The following TRA2B variants were observed in gnomAD, a reference collection of about 807,000 sequenced individuals.
The protein encoded by TRA2B is transformer 2 beta homolog, also known as transformer-2 protein homolog beta.
Under a neutral mutation model 41.7 loss-of-function variants are expected in TRA2B, and 14 were observed. The ratio of observed to expected loss-of-function variants is 0.34; its 90% confidence interval spans 0.22 to 0.53. The LOEUF (loss-of-function observed/expected upper bound fraction) is 0.53. Ranked by LOEUF, TRA2B falls within the 20% of genes least tolerant of loss-of-function variation. The probability of loss-of-function intolerance (pLI) is 0.95; values close to 1 mark genes in which losing one functional copy is unlikely to be tolerated. For missense variants in TRA2B, 167 were observed against 396.8 expected (o/e 0.42, Z 4.92); for synonymous variants, 130 against 128.8 (o/e 1.01, Z -0.06).
At chr3:185,929,303 C>G (rs1744064355) in intron 1 of TRA2B, among the ~76,000 whole-genome samples, 1 of 152,104 alleles carries the variant, frequency 6.6e-6, no homozygotes, top group Non-Finnish European at 1.5e-5. Flanking sequence ...GCACCCAAAT[C>G]AAAAGCATAA....
intron 8 of TRA2B, among the ~76,000 whole-genome samples, 168 bp from the exon 9 acceptor site, chr3:185,917,893 A>T (rs1276230744): frequency 6.6e-6 from 1 of 152,208 alleles, no homozygotes; most frequent in Non-Finnish European, 1.5e-5. Flanking sequence ...ACCAGAAATG[A>T]GATAGCAATC....
chr3:185,918,988 AAAAAT>A (rs1355241001), intron 7 of TRA2B, among the ~76,000 whole-genome samples: 2 of 152,224 alleles, frequency 1.3e-5, no homozygotes, highest in African/African-American at 4.8e-5. Context: ...AATTAAAAAT[AAAAAT>A]GAGAAAATTC....
chr3:185,935,012 G>T, intron 1 of TRA2B: 1 of 985,356 alleles, frequency 1.0e-6, no homozygotes, highest in Non-Finnish European at 1.2e-6. Flanking sequence ...ATATTGAGAG[G>T]CTCAGAACAT....
intron 1 of TRA2B, chr3:185,931,607 TTCTTA>T (rs1363043146): frequency 5.4e-6 from 7 of 1,289,274 alleles, no homozygotes; most frequent in African/African-American, 1.5e-5. Context: ...TCCAGATTAC[TTCTTA>T]TCTTAACTTC....
rs767343847 is a variant in TRA2B, at chr3:185,914,677, G to A, written c.*3038C>T. Among the ~76,000 whole-genome samples, 5 of 151,944 alleles carry A rather than the reference G, an allele frequency of 3.3e-5. No homozygotes were observed. In the South Asian group the frequency reaches 6.3e-4, roughly 19 times the overall value. ...GCATTCTGGCTTTTTGATGACATTT[G>A]GCATAAGCTAGCATTAAGTCCAATC... On this transcript the variant is annotated 3_prime_UTR_variant, in exon 9 of 9. Transcript: ENST00000453386.
intron 1 of TRA2B, chr3:185,937,218 C>A (rs1744397111): frequency 1.0e-6 from 1 of 985,672 alleles, no homozygotes; most frequent in African/African-American, 1.7e-5. Context: ...AGAACTTAGT[C>A]GGCCTTGGAT....
chr3:185,934,890 A>C, intron 1 of TRA2B: 1 of 985,308 alleles, frequency 1.0e-6, no homozygotes, highest in East Asian at 1.1e-4. Flanking sequence ...CCAGTATTCT[A>C]TCAGAGTATC....
chr3:185,932,881 G>C (rs943195164), intron 1 of TRA2B, among the ~76,000 whole-genome samples: 3 of 151,998 alleles, frequency 2.0e-5, no homozygotes, highest in East Asian at 3.9e-4. Flanking sequence ...TAAAAAAATT[G>C]CAAGTCTTTA....
Position 185,937,908 on chromosome 3 carries a change from A to G in TRA2B, c.-48T>C, listed in dbSNP as rs752732348. 6.2e-7 allele frequency: 1 copy of G among 1,611,344 alleles called. No individual in the cohort carries two copies. Among genetic ancestry groups the G allele is most frequent in the Non-Finnish European group, 8.5e-7 (1 of 1,178,990 alleles). Reference sequence around the variant, plus strand: ...TCGATGTGCTTCAATCGAAGCTGCCAACCTCTTGCACCTTCCTTAAGGAGG... The same window carrying G: ...TCGATGTGCTTCAATCGAAGCTGCCGACCTCTTGCACCTTCCTTAAGGAGG... On this transcript the variant is annotated 5_prime_UTR_variant, in exon 1 of 9. Coordinates refer to ENST00000453386, the MANE Select transcript of TRA2B (RefSeq NM_004593.3).
rs1743506499 is a variant in TRA2B at position 185,916,537 on chromosome 3, C to G, written c.*1178G>C. On this transcript the variant is annotated 3_prime_UTR_variant, in exon 9 of 9. Transcript: ENST00000453386. ...CCCGCAGTCTAGTTATTTACTGTAACTCCATCCCCAAATGGAGATCACTCT... is the reference window on the plus strand; with the variant it reads ...CCCGCAGTCTAGTTATTTACTGTAAGTCCATCCCCAAATGGAGATCACTCT... 6.6e-6 allele frequency: 1 copy of G among 152,224 alleles called. No homozygotes were observed. The highest frequency in any genetic ancestry group is 1.5e-5 in the Non-Finnish European group (1 of 68,034). 9.4% of individuals were successfully genotyped at this position (152,224 alleles called of 1,614,324 possible). A position where few individuals can be genotyped will look rare whatever the true frequency, so the allele number is the denominator to read the frequency against.
intron 3 of TRA2B, chr3:185,924,779 T>A (rs1743879976): frequency 6.6e-6 from 1 of 152,196 alleles, no homozygotes; most frequent in Admixed American, 6.6e-5. Flanking sequence ...ACCACTGCAC[T>A]CCAGACTGGG....
rs1481421202 is a variant in TRA2B, at chr3:185,914,695, G to A, written c.*3020C>T. Among the ~76,000 whole-genome samples, 1 of 152,108 alleles carries A rather than the reference G, an allele frequency of 6.6e-6. No individual in the cohort carries two copies. Among genetic ancestry groups the A allele is most frequent in the Non-Finnish European group, 1.5e-5 (1 of 68,034 alleles). On this transcript the variant is annotated 3_prime_UTR_variant, in exon 9 of 9. Coordinates refer to ENST00000453386, the MANE Select transcript of TRA2B (RefSeq NM_004593.3). ...GACATTTGGCATAAGCTAGCATTAA[G>A]TCCAATCCTACAAGAGCCAATCAAA...
chr3:185,935,827 C>T (rs1316876304), intron 1 of TRA2B: 2 of 985,166 alleles, frequency 2.0e-6, no homozygotes, highest in Non-Finnish European at 2.4e-6. Context: ...ACACCAAACA[C>T]AACAATATGG....
intron 7 of TRA2B, among the ~76,000 whole-genome samples, chr3:185,919,018 A>C (rs1296472586): frequency 1.3e-5 from 2 of 152,188 alleles, no homozygotes; most frequent in Admixed American, 1.3e-4. Flanking sequence ...ACCATTAAAT[A>C]ATCCCAACAG....
rs1338362797 is a variant in TRA2B, at chr3:185,925,470, C to A, written c.327G>T (p.Gly109=). Residue 109 remains glycine (G), a synonymous_variant, in exon 3 of 9, where the codon GGG becomes GGT. Coordinates refer to ENST00000453386, the MANE Select transcript of TRA2B (RefSeq NM_004593.3). ...SPMSTRRRHV[G]NRANPDPNCC... ...AACCAGTTTTTCATCTTACCCGATTCCCAACATGACGCCTGCGAGTAGACA... is the reference window on the plus strand; with the variant it reads ...AACCAGTTTTTCATCTTACCCGATTACCAACATGACGCCTGCGAGTAGACA... The A allele has an allele frequency of 6.2e-7, 1 of 1,612,024 alleles. No individual in the cohort carries two copies. The highest frequency in any genetic ancestry group is 2.2e-5 in the East Asian group (1 of 44,884).
chr3:185,918,502 TTA>T lies in TRA2B; in HGVS notation c.783-66_783-65del. 3 of 1,198,696 alleles carry T rather than the reference TTA, an allele frequency of 2.5e-6. No individual in the cohort carries two copies. The South Asian group carries it at 3.8e-5, about 15-fold the overall frequency. The allele number at this position is 1,198,696 out of a possible 1,614,324, so 74.3% of individuals were successfully genotyped here. A position where few individuals can be genotyped will look rare whatever the true frequency, so the allele number is the denominator to read the frequency against. On this transcript the variant is annotated intron_variant, in intron 7 of 8. Coordinates refer to ENST00000453386, the MANE Select transcript of TRA2B (RefSeq NM_004593.3). ...TCACAATTAGACCAAACATATAAAT[TTA>T]TGACTATATATACTGCCCTTTCATC...
intron 1 of TRA2B, among the ~76,000 whole-genome samples, chr3:185,933,436 T>TTAACTTGTCTTATCATAGACA (rs1744224151): frequency 1.3e-5 from 2 of 152,310 alleles, no homozygotes; most frequent in South Asian, 4.1e-4. Context: ...TAAGAGACCC[T>TTAACTTGTCTTATCATAGACA]AGTTAGAAAT....
intron 1 of TRA2B, chr3:185,935,278 G>C (rs1744303813): frequency 1.5e-5 from 15 of 985,340 alleles, no homozygotes; most frequent in African/African-American, 1.7e-5. Flanking sequence ...GGTTTGGCCA[G>C]ATCAGGTTAA....
At chr3:185,924,065 CA>C (rs1743842910) in intron 3 of TRA2B, 81 bp from the exon 4 acceptor site, 1 of 1,216,932 alleles carries the variant, frequency 8.2e-7, no homozygotes, top group Non-Finnish European at 1.1e-6. Context: ...GTATACTAGC[CA>C]AAATGTCACT....
Sources: gnomAD v4.1 joint callset for allele counts (sites outside exome capture counted in the v4.1 genomes callset) on GRCh38, gnomAD v4.1.1 for gene constraint, MANE v1.5 for transcripts, NCBI Gene and HGNC (gene_info 2026-07-23, HGNC 2026-07-21) for gene names.